Variants in LRP1B observed in about 807,000 individuals in gnomAD.
LRP1B encodes low-density lipoprotein receptor-related protein 1B.
Under a neutral mutation model 556.6 loss-of-function variants are expected in LRP1B, and 217 were observed. The ratio of observed to expected loss-of-function variants is 0.39; its 90% CI spans 0.35 to 0.44. The LOEUF (loss-of-function observed/expected upper bound fraction) is 0.44, where lower values mean the gene tolerates loss of function less well. Ranked by LOEUF, LRP1B falls within the 20% of genes least tolerant of loss-of-function variation. LRP1B has a pLI of 1.00. For synonymous variants in LRP1B, 2,047 were observed against 1,865.8 expected, an observed-to-expected ratio of 1.10 and a Z score of -2.50; for missense variants, 5,053 against 5,620.8, an observed-to-expected ratio of 0.90 and a Z score of 3.23.
At chr2:141,394,793 T>C (rs939522839) in intron 3 of LRP1B, among the ~76,000 whole-genome samples, 1 of 152,144 alleles carries the variant, frequency 6.6e-6, no homozygotes, top group Non-Finnish European at 1.5e-5. Context: ...GCACACGGAT[T>C]CTTCCTAGTG....
intron 18 of LRP1B, among the ~76,000 whole-genome samples, chr2:140,961,752 C>T (rs77107610): frequency 0.05 from 7,646 of 152,020 alleles, 273 homozygotes; most frequent in Non-Finnish European, 0.07. Context: ...CATTTCTTTA[C>T]TTGTACTTTT....
intron 33 of LRP1B, 48 bp downstream of exon 33, chr2:140,776,050 G>A (rs1193309580): frequency 4.3e-6 from 6 of 1,407,804 alleles, no homozygotes; most frequent in Non-Finnish European, 5.8e-6. Context: ...ATAAAAAAGA[G>A]CACATTACGT....
At chr2:141,165,028 T>C (rs1012413247) in intron 7 of LRP1B, among the ~76,000 whole-genome samples, 7 of 152,002 alleles carry the variant, frequency 4.6e-5, no homozygotes, top group African/African-American at 1.4e-4. Context: ...AGCTTCTCAA[T>C]AAAGCCTAAA....
chr2:141,532,214 A>G (rs1559124718), intron 2 of LRP1B, among the ~76,000 whole-genome samples: 1 of 152,150 alleles, frequency 6.6e-6, no homozygotes, highest in Non-Finnish European at 1.5e-5. Context: ...ACATCTGTTC[A>G]GAAATGAAAA....
intron 21 of LRP1B, among the ~76,000 whole-genome samples, chr2:140,910,148 C>G (rs1468402948): frequency 6.7e-6 from 1 of 148,800 alleles, no homozygotes; most frequent in African/African-American, 2.5e-5. Flanking sequence ...TGTATATATT[C>G]CAACTATTTA....
chr2:141,476,847 G>A (rs1432378364), intron 3 of LRP1B, among the ~76,000 whole-genome samples: 1 of 152,054 alleles, frequency 6.6e-6, no homozygotes, highest in Non-Finnish European at 1.5e-5. Flanking sequence ...AAAACAGCTG[G>A]GCACGGTGGC....
At chr2:140,717,371 T>G (rs1294984267) in intron 35 of LRP1B, among the ~76,000 whole-genome samples, 1 of 152,114 alleles carries the variant, frequency 6.6e-6, no homozygotes, top group Non-Finnish European at 1.5e-5. Flanking sequence ...AATCCGATTA[T>G]TCCTTCTAAG....
intron 2 of LRP1B, among the ~76,000 whole-genome samples, chr2:141,544,162 TGGAAGATCTAGCA>T: frequency 6.6e-6 from 1 of 152,078 alleles, no homozygotes; most frequent in Non-Finnish European, 1.5e-5. Flanking sequence ...TTCAAGATAA[TGGAAGATCTAGCA>T]GGAAGATCCT....
chr2:140,239,628 T>C, intron 87 of LRP1B, 96 bp from the exon 88 acceptor site: 1 of 683,354 alleles, frequency 1.5e-6, no homozygotes. Context: ...ACTTGACCAT[T>C]GATATAATAA....
chr2:142,129,602 C>T (rs990623939), intron 1 of LRP1B, among the ~76,000 whole-genome samples: 1 of 101,796 alleles, frequency 9.8e-6, no homozygotes, highest in African/African-American at 4.8e-5. Flanking sequence ...CTCTCTCTCT[C>T]TCTCTCTCTC....
intron 41 of LRP1B, among the ~76,000 whole-genome samples, chr2:140,633,681 T>A (rs1340022514): frequency 1.3e-5 from 2 of 152,120 alleles, no homozygotes; most frequent in African/African-American, 4.8e-5. Flanking sequence ...ATGAATATTA[T>A]GAACACAAAT....
At chr2:140,914,130 G>A (rs931781352) in intron 21 of LRP1B, among the ~76,000 whole-genome samples, 1 of 152,052 alleles carries the variant, frequency 6.6e-6, no homozygotes, top group African/African-American at 2.4e-5. Flanking sequence ...TTTTTTTAAA[G>A]TATGTGTTCA....
intron 2 of LRP1B, among the ~76,000 whole-genome samples, chr2:141,678,118 T>C (rs1690957535): frequency 6.6e-6 from 1 of 152,150 alleles, no homozygotes; most frequent in Non-Finnish European, 1.5e-5. Flanking sequence ...TTGTGAGAAA[T>C]CCAAGTGAAC....
At chr2:142,017,451 C>T (rs1481429640) in intron 1 of LRP1B, among the ~76,000 whole-genome samples, 1 of 151,964 alleles carries the variant, frequency 6.6e-6, no homozygotes, top group Non-Finnish European at 1.5e-5. Flanking sequence ...CTAGGATTAC[C>T]TGATTTTAAA....
At chr2:141,316,535 G>A (rs1391432166) in intron 3 of LRP1B, among the ~76,000 whole-genome samples, 5 of 152,160 alleles carry the variant, frequency 3.3e-5, no homozygotes, top group Non-Finnish European at 7.3e-5. Context: ...AGGGCACAAA[G>A]GAGGTAGGGA....
intron 87 of LRP1B, among the ~76,000 whole-genome samples, chr2:140,244,342 T>C (rs950622838): frequency 1.3e-5 from 2 of 151,234 alleles, no homozygotes; most frequent in Non-Finnish European, 3.0e-5. Context: ...CTTGCCCCTA[T>C]TGTCACTATA....
chr2:141,472,120 A>T (rs1559090031), intron 3 of LRP1B, among the ~76,000 whole-genome samples: 1 of 152,204 alleles, frequency 6.6e-6, no homozygotes, highest in Non-Finnish European at 1.5e-5. Context: ...AAATAATAGG[A>T]GTTGTTTGCA....
At chr2:140,803,840 T>C (rs1031737720) in intron 32 of LRP1B, among the ~76,000 whole-genome samples, 2 of 150,512 alleles carry the variant, frequency 1.3e-5, no homozygotes, top group Non-Finnish European at 3.0e-5. Context: ...TTTTCTCTCA[T>C]AAAGGAAAGA....
At chr2:140,535,993 T>C (rs1042805938) in intron 46 of LRP1B, among the ~76,000 whole-genome samples, 2 of 152,102 alleles carry the variant, frequency 1.3e-5, no homozygotes, top group African/African-American at 4.8e-5. Context: ...GCCAACGATG[T>C]GCTATTGTCT....
Sources: gnomAD v4.1 joint callset for allele counts (sites outside exome capture counted in the v4.1 genomes callset) on GRCh38, gnomAD v4.1.1 for gene constraint, MANE v1.5 for transcripts, NCBI Gene and HGNC (gene_info 2026-07-23, HGNC 2026-07-21) for gene names.